HCN2: variants seen among roughly 807,000 people sequenced by gnomAD.
HCN2 encodes the protein hyperpolarization activated cyclic nucleotide gated potassium and sodium channel 2.
In HCN2, 20 loss-of-function variants were observed where a neutral mutation model predicts 52.3. The observed-to-expected ratio is 0.38, with a 90% CI of 0.27 to 0.56. The LOEUF is 0.56. HCN2 is among the 20% of genes least tolerant of loss of function. The pLI is 0.71. For synonymous variants in HCN2, 694 were observed against 537.0 expected (o/e 1.29, Z -4.04); for missense variants, 981 against 1,207.7 (o/e 0.81, Z 2.78).
At chr19:604,979 A>G in intron 2 of HCN2, 82 bp from the exon 3 acceptor site, 3 of 1,269,626 alleles carry the variant, frequency 2.4e-6, no homozygotes, top group Non-Finnish European at 3.0e-6. Flanking sequence ...GAGCTCCCGC[A>G]GTGGGGGCGC....
Position 610,496 on chromosome 19 carries a change from C to T in HCN2, c.1584+91C>T, listed in dbSNP as rs558612654. The T allele has an allele frequency of 2.1e-4, 244 of 1,175,130 alleles. 1 individual carries two copies. In the East Asian group the frequency reaches 2.6e-3, roughly 13 times the overall value. 72.8% of individuals were successfully genotyped at this position (1,175,130 alleles called of 1,614,324 possible). A position where few individuals can be genotyped will look rare whatever the true frequency, so the allele number is the denominator to read the frequency against. ...CCCAGGAGCCGGTCCCTGAGGGAGGCGAGGTGCCTAGGCTGCAGCAGGAGG... is the reference window on the plus strand; with the variant it reads ...CCCAGGAGCCGGTCCCTGAGGGAGGTGAGGTGCCTAGGCTGCAGCAGGAGG... On this transcript the variant is annotated intron_variant, in intron 5 of 7. Coordinates refer to ENST00000251287, the MANE Select transcript of HCN2 (RefSeq NM_001194.4).
rs376884371 is a variant in HCN2, at chr19:599,660, C to T, written c.633-3884C>T. On this transcript the variant is annotated intron_variant, in intron 1 of 7. Transcript: ENST00000251287. ...AAAATTATCTGGGCGTGGTGGCGGG[C>T]GCCTATAGTCCCAGCTACTCGGGAG... Among the ~76,000 whole-genome samples the T allele has an allele frequency of 1.0e-3, 155 of 150,424 alleles. 3 individuals carry two copies. The East Asian group carries it at 0.026, about 26-fold the overall frequency.
chr19:612,050 CAGG>C (rs1166928603), intron 5 of HCN2, among the ~76,000 whole-genome samples: 1 of 151,998 alleles, frequency 6.6e-6, no homozygotes, highest in Admixed American at 6.6e-5. Flanking sequence ...GAGGCTGAGA[CAGG>C]AGAATCGCTT....
chr19:605,321 C>G (rs1459232048), intron 3 of HCN2, 99 bp downstream of exon 3: 1 of 1,096,650 alleles, frequency 9.1e-7, no homozygotes, highest in Non-Finnish European at 1.2e-6. Context: ...TGAACCCAAG[C>G]CTTTCAGAGG....
In HCN2 at chr19:591,832, C is replaced by T. The variant is rs1982882895; in HGVS notation, c.632+1255C>T. Among the ~76,000 whole-genome samples the T allele has an allele frequency of 1.3e-5, 2 of 152,186 alleles. No homozygotes were observed. Among genetic ancestry groups the T allele is most frequent in the African/African-American group, 4.8e-5 (2 of 41,434 alleles). On this transcript the variant is annotated intron_variant, in intron 1 of 7. Transcript: ENST00000251287. This position sits in a 1 kb window ranked among gnomAD's most constrained non-coding sequence, Gnocchi z 4.1. ...TCTCTCTTCCCCTGGATTCTCTGCA[C>T]CCCTAGTGCTTGACTGGAGAAACTG...
At chr19:599,938 GGCTCAAGCGAT>G (rs200242347) in intron 1 of HCN2, among the ~76,000 whole-genome samples, 6,568 of 149,952 alleles carry the variant, frequency 0.044, 171 homozygotes, top group Middle Eastern at 0.096. Context: ...TGAACTCCTG[GGCTCAAGCGAT>G]CCTCCTACCT....
Position 591,621 on chromosome 19 carries a change from G to T in HCN2, c.632+1044G>T, listed in dbSNP as rs1042858070. 2.0e-5 allele frequency among the ~76,000 whole-genome samples: 3 copies of T among 152,010 alleles called. No individual in the cohort carries two copies. The highest frequency in any genetic ancestry group is 4.4e-5 in the Non-Finnish European group (3 of 67,962). ...GTGGAGGGTGCAGGTGGAGGGTGTA[G>T]GTGGGGCCCGCCGGGCTAGCGAGGC... On this transcript the variant is annotated intron_variant, in intron 1 of 7. Coordinates refer to ENST00000251287, the MANE Select transcript of HCN2 (RefSeq NM_001194.4). The surrounding 1 kb of genome is among the most constrained non-coding windows in gnomAD (Gnocchi z 4.1).
chr19:607,851 G>A, intron 3 of HCN2, 113 bp from the exon 4 acceptor site: 1 of 715,246 alleles, frequency 1.4e-6, no homozygotes, highest in Non-Finnish European at 2.4e-6. Context: ...TCTGAACATG[G>A]GGAGCTCACC....
intron 1 of HCN2, 55 bp from the exon 2 acceptor site, chr19:603,489 C>T (rs1983288405): frequency 2.1e-6 from 3 of 1,439,300 alleles, no homozygotes; most frequent in South Asian, 1.3e-5. Flanking sequence ...CGGGGCTGGT[C>T]CCGCAGGTGC....
In HCN2 at chr19:615,783, C is replaced by A. The variant is rs1282275921; in HGVS notation, c.1991-12C>A. ...GCTCCCTGTGCACACGCTAACGCCC[C>A]CTCTCCCGCAGGCAAGAAGAATTCC... On this transcript the variant is annotated splice_polypyrimidine_tract_variant and intron_variant, in intron 7 of 7. Coordinates refer to ENST00000251287, the MANE Select transcript of HCN2 (RefSeq NM_001194.4). 2 of 1,610,514 alleles carry A rather than the reference C, an allele frequency of 1.2e-6. No individual in the cohort carries two copies. The highest frequency in any genetic ancestry group is 1.3e-5 in the African/African-American group (1 of 74,832).
intron 1 of HCN2, among the ~76,000 whole-genome samples, chr19:593,253 A>G (rs1303374154): frequency 1.3e-5 from 2 of 152,232 alleles, no homozygotes; most frequent in African/African-American, 2.4e-5. Context: ...TCTGAGGGGC[A>G]GAGCATGGGT....
At chr19:615,282 G>A (rs1440227185) in intron 7 of HCN2, among the ~76,000 whole-genome samples, 1 of 152,116 alleles carries the variant, frequency 6.6e-6, no homozygotes, top group East Asian at 1.9e-4. Context: ...GGCCAAGGTG[G>A]GTGGATCACG....
rs778828441 is a variant in HCN2 at position 613,449 on chromosome 19, A to C, written c.1786A>C (p.Asn596His). The C allele has an allele frequency of 6.2e-6, 10 of 1,608,924 alleles. No homozygotes were observed. In the South Asian group the frequency reaches 1.1e-4, roughly 18 times the overall value. ...HGVVSVLTKGNKEMKLSDGSY... is the reference protein window; with the variant it reads ...HGVVSVLTKGHKEMKLSDGSY... ...CGTGGTCAGCGTGCTCACTAAGGGC[A>C]ACAAGGAGATGAAGCTGTCCGATGG... The change falls in exon 6 of 8, where the codon AAC (asparagine) becomes CAC (histidine). Residue 596 changes from asparagine to histidine, a missense_variant. Asn to His is a moderately conservative substitution (Grantham distance 68, BLOSUM62 1). This residue lies in a region of HCN2 where 85 missense variants were observed against 106.1 expected (regional missense o/e 0.80). Coordinates refer to ENST00000251287, the MANE Select transcript of HCN2 (RefSeq NM_001194.4).
At position 616,316 on chromosome 19, in the gene HCN2, A is replaced by G; in HGVS notation, c.2512A>G (p.Thr838Ala). The G allele has an allele frequency of 2.6e-6, 3 of 1,145,306 alleles. No individual in the cohort carries two copies. The highest frequency in any genetic ancestry group is 5.0e-5 in the South Asian group (2 of 39,658). The allele number at this position is 1,145,306 out of a possible 1,614,324, so 70.9% of individuals were successfully genotyped here. A position where few individuals can be genotyped will look rare whatever the true frequency, so the allele number is the denominator to read the frequency against. The change falls in exon 8 of 8, where the codon ACA becomes GCA. Residue 838 changes from threonine to alanine, a missense_variant. This residue lies in a region of HCN2 where 368 missense variants were observed against 314.8 expected (regional missense o/e 1.17). Coordinates refer to ENST00000251287, the MANE Select transcript of HCN2 (RefSeq NM_001194.4). ...CGGCGCCCCCGGCCCCGCGGCCTCCACACGCCCGGCCAGCAGCTCCACACC... is the reference window on the plus strand; with the variant it reads ...CGGCGCCCCCGGCCCCGCGGCCTCCGCACGCCCGGCCAGCAGCTCCACACC... Reference protein sequence around the residue: ...PHGAPGPAASTRPASSSTPRL... With the variant: ...PHGAPGPAASARPASSSTPRL...
At chr19:598,494 C>T (rs777675319) in intron 1 of HCN2, among the ~76,000 whole-genome samples, 27 of 151,836 alleles carry the variant, frequency 1.8e-4, no homozygotes, top group Non-Finnish European at 3.5e-4. Context: ...TTTGTAGAGA[C>T]GGGATCTCAC....
Position 616,230 on chromosome 19 carries a change from C to T in HCN2, c.2426C>T (p.Pro809Leu). Reference protein sequence around the residue: ...PAAPLAGPALPARRLSRASRP... With the variant: ...PAAPLAGPALLARRLSRASRP... ...GCCCCCCTTGCTGGGCCCGCCCTGC[C>T]CGCGCGCCGCCTGAGCCGCGCGTCG... Residue 809 changes from proline (P) to leucine (L), a missense_variant, in exon 8 of 8, where the codon CCC becomes CTC. Physicochemically the swap from Pro to Leu is moderately conservative, Grantham distance 98. Coordinates refer to ENST00000251287, the MANE Select transcript of HCN2 (RefSeq NM_001194.4). 1 of 994,256 alleles carries T rather than the reference C, an allele frequency of 1.0e-6. No individual in the cohort carries two copies. The highest frequency in any genetic ancestry group is 1.2e-6 in the Non-Finnish European group (1 of 838,156). The allele number at this position is 994,256 out of a possible 1,614,324, so 61.6% of individuals were successfully genotyped here. A position where few individuals can be genotyped will look rare whatever the true frequency, so the allele number is the denominator to read the frequency against.
intron 1 of HCN2, among the ~76,000 whole-genome samples, chr19:601,323 A>C (rs188400611): frequency 2.9e-4 from 44 of 152,154 alleles, no homozygotes; most frequent in African/African-American, 1.0e-3. Flanking sequence ...GGAAAAAAAA[A>C]GAAATGGCTT....
At chr19:599,427 G>A (rs897192176) in intron 1 of HCN2, among the ~76,000 whole-genome samples, 2 of 152,126 alleles carry the variant, frequency 1.3e-5, no homozygotes, top group African/African-American at 2.4e-5. Flanking sequence ...CATCTCCTCC[G>A]AAAGGATGTG....
rs1982897693 is a variant in HCN2, at chr19:592,311, C to A, written c.632+1734C>A. Among the ~76,000 whole-genome samples the A allele has an allele frequency of 6.6e-6, 1 of 152,228 alleles. No homozygotes were observed. The highest frequency in any genetic ancestry group is 1.5e-5 in the Non-Finnish European group (1 of 68,026). ...AGGTGGAGGCCCACACCAGCCACTC[C>A]CTCCCCTGGGCAGCTCCAGCGACCC... On this transcript the variant is annotated intron_variant, in intron 1 of 7. Coordinates refer to ENST00000251287, the MANE Select transcript of HCN2 (RefSeq NM_001194.4). This position sits in a 1 kb window ranked among gnomAD's most constrained non-coding sequence, Gnocchi z 4.8.
Sources: gnomAD v4.1 joint callset for allele counts (sites outside exome capture counted in the v4.1 genomes callset) on GRCh38, gnomAD v4.1.1 for gene constraint, gnomAD v4.1.1 regional missense constraint, Gnocchi (gnomAD v3.1) non-coding constraint, MANE v1.5 for transcripts, NCBI Gene and HGNC (gene_info 2026-07-23, HGNC 2026-07-21) for gene names.